SPIN1: variants seen among roughly 807,000 people sequenced by gnomAD.
The protein encoded by SPIN1 is spindlin 1.
A neutral mutation model predicts 26.0 loss-of-function variants in SPIN1; 3 were observed. That is an observed-to-expected ratio of 0.12 (90% CI 0.05 to 0.30). SPIN1 has a LOEUF of 0.30. Among genes scored for constraint, SPIN1 ranks in the 10% least tolerant of loss-of-function variants. The pLI is 1.00. For missense variants in SPIN1, 126 were observed against 333.4 expected, an observed-to-expected ratio of 0.38 and a Z score of 4.84; for synonymous variants, 101 against 116.5, an observed-to-expected ratio of 0.87 and a Z score of 0.86.
chr9:88,454,822 T>C (rs1403663839), intron 3 of SPIN1, among the ~76,000 whole-genome samples: 1 of 152,230 alleles, frequency 6.6e-6, no homozygotes, highest in Non-Finnish European at 1.5e-5. Flanking sequence ...GAACTTTGGC[T>C]GCTGAGCAGC....
intron 3 of SPIN1, among the ~76,000 whole-genome samples, chr9:88,458,984 C>T (rs1828526809): frequency 6.6e-6 from 1 of 152,194 alleles, no homozygotes; most frequent in Non-Finnish European, 1.5e-5. Flanking sequence ...GGTGTTTGAC[C>T]ACATATCTGA....
At chr9:88,420,476 G>T (rs1239746912) in intron 1 of SPIN1, among the ~76,000 whole-genome samples, 1 of 152,220 alleles carries the variant, frequency 6.6e-6, no homozygotes, top group Non-Finnish European at 1.5e-5. Context: ...GAGCCAGCCA[G>T]TCCTCTGAAG....
chr9:88,394,905 G>A (rs186799974), intron 1 of SPIN1, among the ~76,000 whole-genome samples: 3,133 of 151,240 alleles, frequency 0.021, 50 homozygotes, highest in Non-Finnish European at 0.029. Flanking sequence ...CGCCTCCCGG[G>A]TTCACGCCAT....
At chr9:88,425,302 T>A (rs1241929566) in intron 1 of SPIN1, among the ~76,000 whole-genome samples, 2 of 152,082 alleles carry the variant, frequency 1.3e-5, no homozygotes, top group African/African-American at 4.8e-5. Context: ...CTGATAGCCT[T>A]CATCTTAGGC....
At chr9:88,445,704 TC>T (rs1405225581) in intron 2 of SPIN1, among the ~76,000 whole-genome samples, 14 of 151,182 alleles carry the variant, frequency 9.3e-5, no homozygotes, top group Non-Finnish European at 7.4e-5. Flanking sequence ...CTTTTTTTTT[TC>T]CCCCCGTATT....
intron 3 of SPIN1, among the ~76,000 whole-genome samples, chr9:88,452,839 C>T (rs1333432358): frequency 6.6e-6 from 1 of 152,100 alleles, no homozygotes; most frequent in Non-Finnish European, 1.5e-5. Flanking sequence ...CCAGTCTTTT[C>T]TTCTAAAATC....
intron 4 of SPIN1, among the ~76,000 whole-genome samples, chr9:88,467,811 A>G (rs1828700141): frequency 6.6e-6 from 1 of 151,896 alleles, no homozygotes; most frequent in Non-Finnish European, 1.5e-5. Context: ...AAAAAATGGA[A>G]ATAAGACTGA....
chr9:88,392,499 CAG>C (rs1826946708), intron 1 of SPIN1, among the ~76,000 whole-genome samples: 1 of 152,076 alleles, frequency 6.6e-6, no homozygotes, highest in South Asian at 2.1e-4. Context: ...AAAGCAGGAA[CAG>C]AGGCATGAGA....
At chr9:88,395,540 AAGAT>A (rs1375527165) in intron 1 of SPIN1, among the ~76,000 whole-genome samples, 1 of 152,068 alleles carries the variant, frequency 6.6e-6, no homozygotes, top group Non-Finnish European at 1.5e-5. Context: ...ATACAGCTTT[AAGAT>A]AGATGTGGGG....
intron 5 of SPIN1, among the ~76,000 whole-genome samples, chr9:88,469,638 C>A (rs1208879745): frequency 1.3e-5 from 2 of 152,160 alleles, no homozygotes; most frequent in Non-Finnish European, 2.9e-5. Context: ...CCCCAGCCTC[C>A]CAAGTGGCTG....
intron 1 of SPIN1, among the ~76,000 whole-genome samples, chr9:88,392,884 G>A (rs1319080597): frequency 6.6e-6 from 1 of 152,086 alleles, no homozygotes; most frequent in Non-Finnish European, 1.5e-5. Context: ...TGAATTTGGG[G>A]GCCACCTTTT....
At chr9:88,427,219 A>G (rs986127903) in intron 2 of SPIN1, among the ~76,000 whole-genome samples, 2 of 152,170 alleles carry the variant, frequency 1.3e-5, no homozygotes, top group Admixed American at 1.3e-4. Context: ...TTGAAAAAGA[A>G]CATTTTAGGG....
chr9:88,442,637 G>T (rs779853207), intron 2 of SPIN1, among the ~76,000 whole-genome samples: 1 of 151,734 alleles, frequency 6.6e-6, no homozygotes, highest in Non-Finnish European at 1.5e-5. Context: ...CACCCACCTC[G>T]GCCTCCCAAA....
intron 4 of SPIN1, among the ~76,000 whole-genome samples, chr9:88,464,180 ATCAGCAATATATAT>A (rs1828618303): frequency 6.6e-6 from 1 of 152,238 alleles, no homozygotes; most frequent in South Asian, 2.1e-4. Context: ...TTTTCTGTAA[ATCAGCAATATATAT>A]GCCTAATTCA....
At position 88,459,965 on chromosome 9, in the gene SPIN1, T is replaced by C. The variant is rs149413693; in HGVS notation, c.102-2531T>C. Among the ~76,000 whole-genome samples the C allele has an allele frequency of 2.8e-3, 420 of 152,310 alleles. 1 individual carries two copies. Among genetic ancestry groups the C allele is most frequent in the African/African-American group, 9.5e-3 (397 of 41,574 alleles). Reference sequence around the variant, plus strand: ...TAGAGTGTTGCTGTCAAATTCTGAGTCTATCCCTTACACATGATTTGGTCC... The same window carrying C: ...TAGAGTGTTGCTGTCAAATTCTGAGCCTATCCCTTACACATGATTTGGTCC... On this transcript the variant is annotated intron_variant, in intron 3 of 5. Coordinates refer to ENST00000375859, the MANE Select transcript of SPIN1 (RefSeq NM_006717.3).
intron 1 of SPIN1, among the ~76,000 whole-genome samples, chr9:88,413,531 G>A (rs901022471): frequency 2.4e-4 from 36 of 151,094 alleles, no homozygotes; most frequent in Admixed American, 6.6e-4. Context: ...CTACAGGTGC[G>A]CACCACCACA....
At position 88,420,807 on chromosome 9, in the gene SPIN1, C is replaced by G. The variant is rs1827654669; in HGVS notation, c.-158-5575C>G. ...ATTCATTATCAGAGGACTAAAGCTGCCTGTCATGTGACTCAGATCCCATTA... is the reference window on the plus strand; with the variant it reads ...ATTCATTATCAGAGGACTAAAGCTGGCTGTCATGTGACTCAGATCCCATTA... On this transcript the variant is annotated intron_variant, in intron 1 of 5. Transcript: ENST00000375859. 2.0e-5 allele frequency among the ~76,000 whole-genome samples: 3 copies of G among 152,186 alleles called. No homozygotes were observed. In the South Asian group the frequency reaches 6.2e-4, roughly 32 times the overall value.
Position 88,426,552 on chromosome 9 carries a change from T to C in SPIN1, c.13T>C (p.Phe5Leu). The change falls in exon 2 of 6, where the codon TTC (phenylalanine) becomes CTC (leucine). Residue 5 changes from phenylalanine (F) to leucine (L), a missense_variant. Physicochemically the swap from Phe to Leu is conservative, Grantham distance 22 (BLOSUM62 0). Transcript: ENST00000375859. The part of the protein sequence containing the change: MKTP[F>L]GKTPGQRSRA... ...TAAATACAGATGAATGAAGACCCCA[T>C]TCGGAAAGACACCTGGCCAGCGGTC... 1 of 1,613,580 alleles carries C rather than the reference T, an allele frequency of 6.2e-7. No homozygotes were observed.
intron 1 of SPIN1, chr9:88,411,422 C>T: frequency 1.3e-6 from 2 of 1,580,198 alleles, no homozygotes; most frequent in South Asian, 2.2e-5. Context: ...GAAGAGCTTC[C>T]TCAGCTGTTC....
Sources: allele counts gnomAD v4.1 joint callset (sites outside exome capture counted in the v4.1 genomes callset), GRCh38; gene constraint gnomAD v4.1.1; transcripts MANE v1.5; gene names NCBI Gene and HGNC (gene_info 2026-07-23, HGNC 2026-07-21).